NPAS3: variants seen among roughly 807,000 people sequenced by gnomAD.
NPAS3 encodes neuronal PAS domain-containing protein 3.
Under a neutral mutation model 73.1 loss-of-function variants are expected in NPAS3, and 14 were observed. The observed-to-expected ratio is 0.19, with a 90% CI of 0.13 to 0.30. The LOEUF (loss-of-function observed/expected upper bound fraction) is 0.30. Ranked by LOEUF, NPAS3 falls within the 10% of genes least tolerant of loss-of-function variation. The pLI, the probability that NPAS3 is intolerant of heterozygous loss-of-function variation, is 1.00. For missense variants in NPAS3, 1,096 were observed against 1,250.0 expected (o/e 0.88, Z 1.86); for synonymous variants, 620 against 541.5 (o/e 1.14, Z -2.01).
intron 3 of NPAS3, among the ~76,000 whole-genome samples, chr14:33,267,808 GC>G (rs2040882327): frequency 6.6e-6 from 1 of 152,160 alleles, no homozygotes; most frequent in African/African-American, 2.4e-5. Context: ...AAAACGTGGA[GC>G]CCAGCATTGG....
chr14:33,171,565 A>G (rs1261691933), intron 2 of NPAS3, among the ~76,000 whole-genome samples: 1 of 152,234 alleles, frequency 6.6e-6, no homozygotes, highest in Non-Finnish European at 1.5e-5. Flanking sequence ...GTCAGCCTTC[A>G]TAGAACTGAA....
In NPAS3 at chr14:33,468,744, T is replaced by A. The variant is rs190064958; in HGVS notation, c.469-91377T>A. Among the ~76,000 whole-genome samples, 3 of 152,332 alleles carry A rather than the reference T, an allele frequency of 2.0e-5. No individual in the cohort carries two copies. In the East Asian group the frequency reaches 5.8e-4, roughly 29 times the overall value. ...TTTTTCCCTTATTCTCCCCATGATA[T>A]TAAATCTGTATCAACATTATCAGCC... On this transcript the variant is annotated intron_variant, in intron 4 of 11. Coordinates refer to ENST00000356141, the Ensembl canonical transcript of NPAS3.
At chr14:33,647,963 C>G (rs1368944371) in intron 5 of NPAS3, among the ~76,000 whole-genome samples, 1 of 152,068 alleles carries the variant, frequency 6.6e-6, no homozygotes, top group Non-Finnish European at 1.5e-5. Context: ...ATCTTCATAA[C>G]AAAGATGGAT....
intron 2 of NPAS3, among the ~76,000 whole-genome samples, chr14:33,064,676 A>G (rs1595364576): frequency 6.6e-6 from 1 of 152,218 alleles, no homozygotes; most frequent in East Asian, 1.9e-4. Flanking sequence ...GATGCAGTAC[A>G]TTTTCATTCT....
intron 2 of NPAS3, among the ~76,000 whole-genome samples, chr14:33,156,191 G>T (rs2044641297): frequency 6.6e-6 from 1 of 152,120 alleles, no homozygotes; most frequent in South Asian, 2.1e-4. Context: ...AGTCTCAAAT[G>T]AATACTCCTT....
intron 10 of NPAS3, among the ~76,000 whole-genome samples, chr14:33,794,758 A>T (rs946238960): frequency 6.6e-6 from 1 of 152,098 alleles, no homozygotes; most frequent in Admixed American, 6.5e-5. Context: ...TCCCCTTCCC[A>T]GTCTACATTC....
At chr14:32,978,650 C>T (rs566571716) in intron 1 of NPAS3, among the ~76,000 whole-genome samples, 7 of 152,198 alleles carry the variant, frequency 4.6e-5, no homozygotes, top group East Asian at 1.9e-4. Flanking sequence ...CTCTCCAAAA[C>T]GTTTTATTTT....
intron 5 of NPAS3, among the ~76,000 whole-genome samples, chr14:33,609,842 C>G (rs1595270171): frequency 6.6e-6 from 1 of 152,182 alleles, no homozygotes. Context: ...TGACTCCAAT[C>G]AGGAGTTCGC....
chr14:33,678,207 A>T (rs2059823104), intron 6 of NPAS3, among the ~76,000 whole-genome samples: 1 of 152,174 alleles, frequency 6.6e-6, no homozygotes, highest in Non-Finnish European at 1.5e-5. Context: ...TTCTGCCCTG[A>T]TAGGAAGCTC....
intron 7 of NPAS3, among the ~76,000 whole-genome samples, chr14:33,761,218 T>C (rs2062276779): frequency 6.6e-6 from 1 of 152,200 alleles, no homozygotes; most frequent in South Asian, 2.1e-4. Context: ...TTCCAGCACC[T>C]TCCATCCTTC....
intron 5 of NPAS3, among the ~76,000 whole-genome samples, chr14:33,673,183 GA>G (rs2059660700): frequency 6.6e-6 from 1 of 152,208 alleles, no homozygotes; most frequent in African/African-American, 2.4e-5. Flanking sequence ...AAGCAAGGCT[GA>G]AGCACAGGGG....
chr14:33,504,107 A>G (rs2052647988), intron 4 of NPAS3, among the ~76,000 whole-genome samples: 1 of 152,010 alleles, frequency 6.6e-6, no homozygotes, highest in South Asian at 2.1e-4. Context: ...CATTAAGTAT[A>G]GAAAAGCTTA....
At chr14:33,674,388 G>T (rs1015132894) in intron 5 of NPAS3, among the ~76,000 whole-genome samples, 3 of 152,206 alleles carry the variant, frequency 2.0e-5, no homozygotes, top group African/African-American at 7.2e-5. Context: ...AAACGAGAGT[G>T]ACTTCCTCAT....
At chr14:33,785,634 T>G (rs1166886559) in intron 9 of NPAS3, among the ~76,000 whole-genome samples, 1 of 152,120 alleles carries the variant, frequency 6.6e-6, no homozygotes, top group African/African-American at 2.4e-5. Context: ...TTTTTTAACT[T>G]AAATGAGTGG....
intron 3 of NPAS3, among the ~76,000 whole-genome samples, chr14:33,351,547 T>G (rs999624950): frequency 1.3e-5 from 2 of 152,202 alleles, no homozygotes; most frequent in East Asian, 1.9e-4. Flanking sequence ...AGTTGAAGAT[T>G]TAAAAATGTC....
intron 4 of NPAS3, among the ~76,000 whole-genome samples, chr14:33,368,859 C>T (rs2045957148): frequency 1.3e-5 from 2 of 152,258 alleles, no homozygotes; most frequent in Non-Finnish European, 2.9e-5. Context: ...AATTGTTAGA[C>T]TCTGATGTGA....
At chr14:33,783,671 A>T (rs531015789) in intron 9 of NPAS3, among the ~76,000 whole-genome samples, 1 of 152,232 alleles carries the variant, frequency 6.6e-6, no homozygotes, top group East Asian at 1.9e-4. Flanking sequence ...GCAAGCACGG[A>T]GTCAGAGACC....
chr14:33,200,890 C>A (rs901333999), intron 2 of NPAS3, among the ~76,000 whole-genome samples: 1 of 152,188 alleles, frequency 6.6e-6, no homozygotes. Flanking sequence ...GCACTGCTTT[C>A]TTTCACCTAG....
intron 5 of NPAS3, among the ~76,000 whole-genome samples, chr14:33,661,666 C>T (rs1789123948): frequency 6.6e-6 from 1 of 152,174 alleles, no homozygotes; most frequent in South Asian, 2.1e-4. Context: ...TTCAAATAGT[C>T]ACCTACTCTG....
Sources: gnomAD v4.1 joint callset for allele counts (sites outside exome capture counted in the v4.1 genomes callset) on GRCh38, gnomAD v4.1.1 for gene constraint, MANE v1.5 for transcripts, NCBI Gene and HGNC (gene_info 2026-07-23, HGNC 2026-07-21) for gene names.